EPN2: variants seen among roughly 807,000 people sequenced by gnomAD.
EPN2 encodes the protein epsin 2, also known as epsin-2.
Under a neutral mutation model 61.7 loss-of-function variants are expected in EPN2, and 34 were observed. That is an observed-to-expected ratio of 0.55 (90% CI 0.42 to 0.73). The LOEUF is 0.73. Among genes scored for constraint, EPN2 ranks in the 30% least tolerant of loss-of-function variants. The probability of loss-of-function intolerance (pLI) is 0.00; values close to 1 mark genes in which losing one functional copy is unlikely to be tolerated. For synonymous variants in EPN2, 349 were observed against 353.6 expected, an observed-to-expected ratio of 0.99 and a Z score of 0.15; for missense variants, 714 against 839.2, an observed-to-expected ratio of 0.85 and a Z score of 1.84.
chr17:19,320,342 T>C (rs1906584499), intron 7 of EPN2, among the ~76,000 whole-genome samples: 1 of 152,190 alleles, frequency 6.6e-6, no homozygotes, highest in South Asian at 2.1e-4. Flanking sequence ...GCTGACCAAA[T>C]GTTGCTTGGA....
At chr17:19,243,570 T>G (rs1247090635) in intron 1 of EPN2, among the ~76,000 whole-genome samples, 1 of 151,976 alleles carries the variant, frequency 6.6e-6, no homozygotes, top group Non-Finnish European at 1.5e-5. Flanking sequence ...TTTTTTTGTA[T>G]TTTTAATAGA....
intron 4 of EPN2, among the ~76,000 whole-genome samples, chr17:19,293,370 C>CAA (rs1050438709): frequency 2.0e-5 from 1 of 50,734 alleles, no homozygotes; most frequent in African/African-American, 7.0e-5. Context: ...AACTCCATCT[C>CAA]AAAAAAAAAA....
At chr17:19,254,032 T>C (rs529508242) in intron 1 of EPN2, among the ~76,000 whole-genome samples, 1 of 151,736 alleles carries the variant, frequency 6.6e-6, no homozygotes, top group Non-Finnish European at 1.5e-5. Flanking sequence ...CTCAGGAGGC[T>C]GAGGCAGGAG....
chr17:19,295,364 A>ACGCGCGCGCGCGCGCGCG (rs374152445), intron 4 of EPN2, among the ~76,000 whole-genome samples: 3 of 81,764 alleles, frequency 3.7e-5, no homozygotes, highest in Non-Finnish European at 7.9e-5. Context: ...ACACACACAC[A>ACGCGCGCGCGCGCGCGCG]CACGCGCGTG....
chr17:19,244,240 C>G (rs1053280282), intron 1 of EPN2, among the ~76,000 whole-genome samples: 2 of 152,148 alleles, frequency 1.3e-5, no homozygotes, highest in Non-Finnish European at 2.9e-5. Flanking sequence ...TGGTGGATCA[C>G]TTGAGGCCAG....
chr17:19,252,278 C>T (rs769775396), intron 1 of EPN2, among the ~76,000 whole-genome samples: 2 of 152,056 alleles, frequency 1.3e-5, no homozygotes, highest in Non-Finnish European at 2.9e-5. Flanking sequence ...CTGTTGGGCT[C>T]AGTGTGGAGC....
rs192302765 is a variant in EPN2, at chr17:19,334,764, C to T, written c.*510C>T. 1.0e-3 allele frequency: 158 copies of T among 153,362 alleles called. 1 individual carries two copies. Among genetic ancestry groups the T allele is most frequent in the Non-Finnish European group, 2.0e-4 (14 of 68,542 alleles). 9.5% of individuals were successfully genotyped at this position (153,362 alleles called of 1,614,324 possible). A position where few individuals can be genotyped will look rare whatever the true frequency, so the allele number is the denominator to read the frequency against. ...GTGAGTTCAAAGTAAACACCACCAC[C>T]GTGGACAACTCTTGAATTAAATCCA... On this transcript the variant is annotated 3_prime_UTR_variant, in exon 11 of 11. Coordinates refer to ENST00000314728, the MANE Select transcript of EPN2 (RefSeq NM_014964.5). The surrounding 1 kb of genome is among the most constrained non-coding windows in gnomAD (Gnocchi z 4.9).
At chr17:19,247,449 A>G (rs2044965530) in intron 1 of EPN2, among the ~76,000 whole-genome samples, 1 of 152,230 alleles carries the variant, frequency 6.6e-6, no homozygotes, top group African/African-American at 2.4e-5. Context: ...TATCAGGAGA[A>G]GGTAGGATTT....
intron 7 of EPN2, among the ~76,000 whole-genome samples, chr17:19,319,072 C>A (rs1431653303): frequency 6.6e-6 from 1 of 151,748 alleles, no homozygotes; most frequent in African/African-American, 2.4e-5. Context: ...GTGGTGTGTG[C>A]CTGTAATCCC....
At chr17:19,241,877 A>G (rs1409099368) in intron 1 of EPN2, among the ~76,000 whole-genome samples, 1 of 152,168 alleles carries the variant, frequency 6.6e-6, no homozygotes, top group Non-Finnish European at 1.5e-5. Context: ...GAATCTGTGT[A>G]ATTCCCAGGC....
At chr17:19,239,312 C>T (rs1287286593) in intron 1 of EPN2, among the ~76,000 whole-genome samples, 4 of 152,150 alleles carry the variant, frequency 2.6e-5, no homozygotes, top group African/African-American at 4.8e-5. Flanking sequence ...CCACCACGCC[C>T]GGCTAATCTT....
intron 1 of EPN2, among the ~76,000 whole-genome samples, chr17:19,255,364 T>C (rs186999447): frequency 2.0e-5 from 3 of 152,214 alleles, no homozygotes; most frequent in Admixed American, 2.0e-4. Flanking sequence ...ACCTGCACTT[T>C]GGGTTCTAAC....
At chr17:19,300,046 A>C (rs564739154) in intron 4 of EPN2, among the ~76,000 whole-genome samples, 15 of 152,342 alleles carry the variant, frequency 9.8e-5, no homozygotes, top group African/African-American at 3.4e-4. Context: ...AACGGATTAG[A>C]ACATGCAGCT....
In EPN2 at chr17:19,334,575, T is replaced by G; in HGVS notation, c.*321T>G. 9.4e-6 allele frequency: 2 copies of G among 213,362 alleles called. No individual in the cohort carries two copies. Among genetic ancestry groups the G allele is most frequent in the Non-Finnish European group, 9.2e-6 (1 of 108,172 alleles). The allele number at this position is 213,362 out of a possible 1,614,324, so 13.2% of individuals were successfully genotyped here. On this transcript the variant is annotated 3_prime_UTR_variant, in exon 11 of 11. Transcript: ENST00000314728. This position sits in a 1 kb window ranked among gnomAD's most constrained non-coding sequence, Gnocchi z 4.9. ...CCTCAGCCCGAGGGTCTCCAGGATG[T>G]TGCCTGGCCCAGGACTTGGGACAGT...
chr17:19,299,516 C>G (rs1184711536), intron 4 of EPN2, among the ~76,000 whole-genome samples: 2 of 152,238 alleles, frequency 1.3e-5, no homozygotes, highest in Non-Finnish European at 2.9e-5. Flanking sequence ...GTTACTTTCA[C>G]TATGGACAGA....
chr17:19,273,084 T>G (rs989426080), intron 1 of EPN2: 5 of 152,214 alleles, frequency 3.3e-5, no homozygotes, highest in Admixed American at 2.0e-4. Flanking sequence ...CATATCAAGT[T>G]CTAGGAGGCC....
At chr17:19,326,120 A>C (rs999871314) in intron 7 of EPN2, among the ~76,000 whole-genome samples, 38 of 152,236 alleles carry the variant, frequency 2.5e-4, no homozygotes, top group African/African-American at 8.9e-4. Flanking sequence ...ATTAAAACTT[A>C]AGCAAATGCA....
At chr17:19,302,052 T>C (rs1905550874) in intron 4 of EPN2, among the ~76,000 whole-genome samples, 1 of 152,198 alleles carries the variant, frequency 6.6e-6, no homozygotes, top group Admixed American at 6.5e-5. Context: ...GGCCCCGGTG[T>C]CCTCATCAGT....
At chr17:19,293,115 A>G (rs1473192611) in intron 4 of EPN2, among the ~76,000 whole-genome samples, 1 of 152,056 alleles carries the variant, frequency 6.6e-6, no homozygotes, top group Non-Finnish European at 1.5e-5. Flanking sequence ...AGGGTGGCTC[A>G]CGCCTGTAAT....
Sources: allele counts gnomAD v4.1 joint callset (sites outside exome capture counted in the v4.1 genomes callset), GRCh38; gene constraint gnomAD v4.1.1; non-coding constraint Gnocchi (gnomAD v3.1); transcripts MANE v1.5; gene names NCBI Gene and HGNC (gene_info 2026-07-23, HGNC 2026-07-21).